Variants in KCNG2 observed in about 807,000 individuals in gnomAD.
KCNG2 encodes potassium voltage-gated channel modifier subfamily G member 2, also known as voltage-gated potassium channel regulatory subunit KCNG2.
A neutral mutation model predicts 12.3 loss-of-function variants in KCNG2; 7 were observed. The observed-to-expected ratio is 0.57, with a 90% CI of 0.32 to 1.07. The LOEUF (loss-of-function observed/expected upper bound fraction) is 1.07, where lower values mean the gene tolerates loss of function less well. KCNG2 is among the 50% of genes least tolerant of loss of function. The pLI, the probability that KCNG2 is intolerant of heterozygous loss-of-function variation, is 0.04. For synonymous variants in KCNG2, 414 were observed against 351.4 expected, an observed-to-expected ratio of 1.18 and a Z score of -1.99; for missense variants, 703 against 726.0, an observed-to-expected ratio of 0.97 and a Z score of 0.36.
At chr18:79,854,804 T>C (rs1267762981) in intron 1 of KCNG2, among the ~76,000 whole-genome samples, 1 of 152,202 alleles carries the variant, frequency 6.6e-6, no homozygotes, top group Non-Finnish European at 1.5e-5. Context: ...TGAGCCACCG[T>C]GCCTGGCCTC....
chr18:79,853,549 G>C (rs954176287), intron 1 of KCNG2, among the ~76,000 whole-genome samples: 1 of 152,204 alleles, frequency 6.6e-6, no homozygotes, highest in African/African-American at 2.4e-5. Context: ...GCAGTGTTAG[G>C]AGGCCCCTCT....
At chr18:79,812,027 A>T (rs745665760) in intron 1 of KCNG2, among the ~76,000 whole-genome samples, 1 of 152,122 alleles carries the variant, frequency 6.6e-6, no homozygotes, top group Non-Finnish European at 1.5e-5. Context: ...AAGAGAGGAG[A>T]AAGAGTGGGG....
chr18:79,885,489 G>C (rs9965285), intron 3 of KCNG2, among the ~76,000 whole-genome samples: 4,975 of 152,312 alleles, frequency 0.033, 279 homozygotes, highest in African/African-American at 0.11. Context: ...TGGCTCTGTG[G>C]CTGCAGCTGC....
At position 79,800,684 on chromosome 18, in the gene KCNG2, C is replaced by A. The variant is rs959314188; in HGVS notation, c.-115+2670C>A. The stretch of plus-strand genomic sequence containing the variant: ...GCAGGAGCCTCAGCAGTTCCTTCCC[C>A]GGGCGGGCGGCGCTGAGCAGACGGG... On this transcript the variant is annotated intron_variant, in intron 1 of 3. Transcript: ENST00000316249. The surrounding 1 kb of genome is among the most constrained non-coding windows in gnomAD (Gnocchi z 4.0). Among the ~76,000 whole-genome samples, 1 of 152,220 alleles carries A rather than the reference C, an allele frequency of 6.6e-6. No homozygotes were observed. Among genetic ancestry groups the A allele is most frequent in the Non-Finnish European group, 1.5e-5 (1 of 68,042 alleles).
intron 1 of KCNG2, among the ~76,000 whole-genome samples, chr18:79,799,172 C>CA (rs1433546008): frequency 1.3e-5 from 2 of 152,208 alleles, no homozygotes; most frequent in Non-Finnish European, 2.9e-5. Context: ...TGGGAGATCT[C>CA]AGAGTGATTA....
In KCNG2 at chr18:79,864,121, C is replaced by T; in HGVS notation, c.454C>T (p.Pro152Ser). The T allele has an allele frequency of 8.0e-7, 1 of 1,248,500 alleles. No homozygotes were observed. The highest frequency in any genetic ancestry group is 1.0e-6 in the Non-Finnish European group (1 of 994,244). The allele number at this position is 1,248,500 out of a possible 1,614,324, so 77.3% of individuals were successfully genotyped here. A position where few individuals can be genotyped will look rare whatever the true frequency, so the allele number is the denominator to read the frequency against. Residue 152 changes from proline to serine, a missense_variant, in exon 3 of 4, where the codon CCT (proline) becomes TCT (serine). Physicochemically the swap from Pro to Ser is moderately conservative, Grantham distance 74. Transcript: ENST00000316249. ...GGGGAGCCCGGCGCGCGCCCTGGGA[C>T]CTCGGGGGCGGCTGCAGCGCGGCCG... ...AQGSPARALGPRGRLQRGRRR... is the reference protein window; with the variant it reads ...AQGSPARALGSRGRLQRGRRR...
chr18:79,805,224 C>G (rs1262211767), intron 1 of KCNG2, among the ~76,000 whole-genome samples: 2 of 152,376 alleles, frequency 1.3e-5, no homozygotes, highest in Non-Finnish European at 2.9e-5. Context: ...CTCGGGAAAG[C>G]TGTGCCAGAT....
At chr18:79,849,587 G>A (rs1464680563) in intron 1 of KCNG2, among the ~76,000 whole-genome samples, 1 of 152,234 alleles carries the variant, frequency 6.6e-6, no homozygotes, top group Non-Finnish European at 1.5e-5. Flanking sequence ...CACCAAGCGC[G>A]GCGGTAAAGA....
intron 3 of KCNG2, among the ~76,000 whole-genome samples, chr18:79,872,085 C>T (rs1466253516): frequency 2.0e-5 from 3 of 152,116 alleles, no homozygotes; most frequent in Non-Finnish European, 4.4e-5. Context: ...TGCAGAGGCT[C>T]GTGGAGGCCT....
intron 1 of KCNG2, among the ~76,000 whole-genome samples, chr18:79,845,802 AG>A (rs1386332123): frequency 2.6e-5 from 4 of 152,362 alleles, no homozygotes; most frequent in Non-Finnish European, 5.9e-5. Context: ...AGAAAATAAA[AG>A]TGGCTGGGCG....
chr18:79,854,918 G>T (rs2123053839), intron 1 of KCNG2, among the ~76,000 whole-genome samples: 1 of 152,282 alleles, frequency 6.6e-6, no homozygotes, highest in African/African-American at 2.4e-5. Flanking sequence ...GGACCCCGAT[G>T]CCTCCAGGAG....
intron 3 of KCNG2, among the ~76,000 whole-genome samples, chr18:79,877,828 G>A (rs1297423579): frequency 2.0e-5 from 3 of 152,216 alleles, no homozygotes; most frequent in African/African-American, 4.8e-5. Flanking sequence ...CGGAGACCTC[G>A]CCTTCTGAGA....
chr18:79,819,077 G>A (rs1415067927), intron 1 of KCNG2, among the ~76,000 whole-genome samples: 1 of 152,220 alleles, frequency 6.6e-6, no homozygotes, highest in Non-Finnish European at 1.5e-5. Flanking sequence ...CAAAAATAAG[G>A]GAAGAAGAAA....
Position 79,863,691 on chromosome 18 carries a change from GGGC to G in KCNG2, c.36_38del (p.Gly13del), listed in dbSNP as rs71338073. On this transcript the variant is annotated inframe_deletion, in exon 3 of 4. Coordinates refer to ENST00000316249, the MANE Select transcript of KCNG2 (RefSeq NM_012283.2). ...GCATGGAGCCATGGCCCTGCTCCCC[GGGC>G]GGCGGCGGCGGGACCCGCGCCCGGC... The G allele has an allele frequency of 7.0e-5, 82 of 1,173,532 alleles. No individual in the cohort carries two copies. The highest frequency in any genetic ancestry group is 5.4e-4 in the South Asian group (13 of 24,050). 72.7% of individuals were successfully genotyped at this position (1,173,532 alleles called of 1,614,324 possible).
At chr18:79,851,873 T>C (rs992841294) in intron 1 of KCNG2, among the ~76,000 whole-genome samples, 1 of 152,228 alleles carries the variant, frequency 6.6e-6, no homozygotes, top group Non-Finnish European at 1.5e-5. Flanking sequence ...TGAGGACTTA[T>C]GCACCAGGAC....
At position 79,864,171 on chromosome 18, in the gene KCNG2, C is replaced by A; in HGVS notation, c.504C>A (p.Asp168Glu). ...GGCGGCGCCTGCGCGACGTGGTGGACAACCCGCACTCGGGGCTGGCGGGCA... is the reference window on the plus strand; with the variant it reads ...GGCGGCGCCTGCGCGACGTGGTGGAAAACCCGCACTCGGGGCTGGCGGGCA... ...RGRRRLRDVV[D>E]NPHSGLAGKL... The change falls in exon 3 of 4, where the codon GAC (aspartate) becomes GAA (glutamate). Residue 168 changes from aspartate to glutamate, a missense_variant. By Grantham distance (45) the Asp-to-Glu change is conservative. Transcript: ENST00000316249. 6.6e-7 allele frequency: 1 copy of A among 1,508,284 alleles called. No individual in the cohort carries two copies. The allele number at this position is 1,508,284 out of a possible 1,614,324, so 93.4% of individuals were successfully genotyped here.
At chr18:79,859,135 A>G (rs62096745) in intron 2 of KCNG2, among the ~76,000 whole-genome samples, 15,024 of 152,210 alleles carry the variant, frequency 0.099, 933 homozygotes, top group Middle Eastern at 0.16. Context: ...TCAGAAACCA[A>G]TGTCTCATCC....
intron 3 of KCNG2, among the ~76,000 whole-genome samples, chr18:79,896,588 T>C (rs932349488): frequency 2.6e-5 from 4 of 152,268 alleles, no homozygotes; most frequent in African/African-American, 4.8e-5. Flanking sequence ...TAATACGTTA[T>C]ATACATCTTA....
chr18:79,839,863 CAGGCTAAAGAAAAATCACAT>C (rs1978407869), intron 1 of KCNG2, among the ~76,000 whole-genome samples: 1 of 152,188 alleles, frequency 6.6e-6, no homozygotes, highest in East Asian at 1.9e-4. Context: ...ACCATATTGA[CAGGCTAAAGAAAAATCACAT>C]AATCATATAA....
Sources: gnomAD v4.1 joint callset for allele counts (sites outside exome capture counted in the v4.1 genomes callset) on GRCh38, gnomAD v4.1.1 for gene constraint, Gnocchi (gnomAD v3.1) non-coding constraint, MANE v1.5 for transcripts, NCBI Gene and HGNC (gene_info 2026-07-23, HGNC 2026-07-21) for gene names.